The following TOGARAM2 variants were observed in gnomAD, a reference collection of about 807,000 sequenced individuals.
TOGARAM2 encodes TOG array regulator of axonemal microtubules 2, also known as TOG array regulator of axonemal microtubules protein 2.
In TOGARAM2, 85 loss-of-function variants were observed where a neutral mutation model predicts 93.3. The ratio of observed to expected loss-of-function variants is 0.91; its 90% CI spans 0.76 to 1.09. TOGARAM2 has a LOEUF of 1.09. Among genes scored for constraint, TOGARAM2 ranks in the 50% least tolerant of loss-of-function variants. TOGARAM2 has a pLI of 0.00. For missense variants in TOGARAM2, 1,277 were observed against 1,334.5 expected, an observed-to-expected ratio of 0.96 and a Z score of 0.67; for synonymous variants, 593 against 552.8, an observed-to-expected ratio of 1.07 and a Z score of -1.02.
chr2:29,047,696 CCT>C (rs779785382), intron 19 of TOGARAM2: 6 of 152,236 alleles, frequency 3.9e-5, no homozygotes, highest in Non-Finnish European at 7.3e-5. Context: ...TCTGAAGTAG[CCT>C]GAGTTCTATT....
chr2:28,990,383 G>A (rs1273261104), intron 1 of TOGARAM2, among the ~76,000 whole-genome samples: 1 of 152,104 alleles, frequency 6.6e-6, no homozygotes, highest in Non-Finnish European at 1.5e-5. Context: ...TCCTCTCCTT[G>A]CACAGTCTTC....
intron 18 of TOGARAM2, among the ~76,000 whole-genome samples, chr2:29,043,824 T>A (rs1039917457): frequency 2.6e-5 from 4 of 152,176 alleles, no homozygotes; most frequent in African/African-American, 9.7e-5. Flanking sequence ...TCTCACGTTG[T>A]GTGTCTTTGT....
chr2:29,022,029 A>AC (rs950422610), intron 10 of TOGARAM2, 129 bp from the exon 11 acceptor site: 1 of 1,249,424 alleles, frequency 8.0e-7, no homozygotes, highest in Non-Finnish European at 1.1e-6. Flanking sequence ...TTCCACTTGT[A>AC]CACCCTCCCT....
chr2:28,962,268 C>T (rs1346479751), intron 1 of TOGARAM2, among the ~76,000 whole-genome samples: 11 of 151,636 alleles, frequency 7.3e-5, no homozygotes, highest in African/African-American at 1.7e-4. Flanking sequence ...CTCCATCTCC[C>T]GGGTTCAAGC....
chr2:29,021,671 C>A (rs1283519298), intron 10 of TOGARAM2, among the ~76,000 whole-genome samples: 5 of 152,198 alleles, frequency 3.3e-5, no homozygotes, highest in Non-Finnish European at 7.3e-5. Flanking sequence ...CTCTTCCCTG[C>A]TTGTGGGCAA....
chr2:29,045,699 A>G, intron 19 of TOGARAM2: 1 of 411,068 alleles, frequency 2.4e-6, no homozygotes, highest in South Asian at 2.5e-5. Flanking sequence ...CCAAAACCTG[A>G]AACTTTTTGA....
chr2:29,025,150 T>C (rs1002888058), intron 13 of TOGARAM2, among the ~76,000 whole-genome samples: 17 of 152,262 alleles, frequency 1.1e-4, no homozygotes, highest in African/African-American at 4.1e-4. Context: ...CATAGCATAC[T>C]GCAAAGGGTG....
chr2:28,976,239 C>G (rs950092310), intron 1 of TOGARAM2, among the ~76,000 whole-genome samples: 3 of 152,050 alleles, frequency 2.0e-5, no homozygotes, highest in Non-Finnish European at 2.9e-5. Flanking sequence ...GACGTGGTGG[C>G]GGGTGCCTGT....
intron 10 of TOGARAM2, among the ~76,000 whole-genome samples, chr2:29,020,175 A>G (rs540173376): frequency 1.2e-4 from 19 of 152,306 alleles, no homozygotes; most frequent in African/African-American, 4.3e-4. Context: ...CGGTGGGAAG[A>G]GCAGTTTTGG....
intron 15 of TOGARAM2, among the ~76,000 whole-genome samples, 191 bp from the exon 16 acceptor site, chr2:29,033,278 C>T (rs886097392): frequency 3.9e-5 from 6 of 152,202 alleles, no homozygotes; most frequent in Non-Finnish European, 7.3e-5. Context: ...GGCCTCCATG[C>T]CTTCATCTGT....
At chr2:28,987,343 G>T (rs1558403541) in intron 1 of TOGARAM2, among the ~76,000 whole-genome samples, 1 of 152,138 alleles carries the variant, frequency 6.6e-6, no homozygotes, top group Admixed American at 6.5e-5. Flanking sequence ...AGGCTGGAGT[G>T]CAGTGGCATG....
intron 10 of TOGARAM2, among the ~76,000 whole-genome samples, chr2:29,019,048 C>A (rs1664766535): frequency 1.3e-5 from 2 of 151,886 alleles, no homozygotes; most frequent in East Asian, 1.9e-4. Context: ...ATTTGAAATT[C>A]TTTTGTGATT....
chr2:28,978,755 G>T (rs568237860), upstream of TOGARAM2, among the ~76,000 whole-genome samples: 1 of 152,036 alleles, frequency 6.6e-6, no homozygotes. Flanking sequence ...TTTGTTCATC[G>T]GTTCTGGGGG....
In TOGARAM2 at chr2:29,002,517, C is replaced by T. The variant is rs780357783; in HGVS notation, c.428-19C>T. 3 of 1,604,412 alleles carry T rather than the reference C, an allele frequency of 1.9e-6. No individual in the cohort carries two copies. Among genetic ancestry groups the T allele is most frequent in the Non-Finnish European group, 2.6e-6 (3 of 1,173,976 alleles). On this transcript the variant is annotated intron_variant, in intron 4 of 19. Coordinates refer to ENST00000379558, the MANE Select transcript of TOGARAM2 (RefSeq NM_199280.4). Reference sequence around the variant, plus strand: ...GTTCTTCTGGGACTAACTGATTTCCCATCCCCATCCCTGTACAGCCTCTCT... The same window carrying T: ...GTTCTTCTGGGACTAACTGATTTCCTATCCCCATCCCTGTACAGCCTCTCT...
At chr2:28,994,243 C>T (rs1338942803) in intron 1 of TOGARAM2, among the ~76,000 whole-genome samples, 2 of 152,098 alleles carry the variant, frequency 1.3e-5, no homozygotes, top group African/African-American at 2.4e-5. Flanking sequence ...CCAAGGACGT[C>T]ATGGAGGTCA....
intron 18 of TOGARAM2, among the ~76,000 whole-genome samples, chr2:29,044,468 T>G (rs2148395217): frequency 1.3e-5 from 2 of 152,270 alleles, no homozygotes; most frequent in Middle Eastern, 6.8e-3. Flanking sequence ...GCTTCTGCTC[T>G]GGATAGGATG....
chr2:29,008,438 A>G (rs1324457222), intron 6 of TOGARAM2, among the ~76,000 whole-genome samples: 1 of 146,978 alleles, frequency 6.8e-6, no homozygotes, highest in South Asian at 2.2e-4. Context: ...GGCGTGAGCC[A>G]CTGCACCCAG....
chr2:29,004,954 A>ATG (rs1162247011), intron 6 of TOGARAM2, among the ~76,000 whole-genome samples: 13 of 118,180 alleles, frequency 1.1e-4, no homozygotes, highest in East Asian at 5.8e-4. Context: ...ATGTGTGTGC[A>ATG]TGTGTATGTG....
At chr2:28,999,500 A>G in intron 4 of TOGARAM2, 32 bp downstream of exon 4, 2 of 1,538,482 alleles carry the variant, frequency 1.3e-6, no homozygotes, top group Non-Finnish European at 1.7e-6. Flanking sequence ...CCCCTCACCC[A>G]CCCACTTCCA....
Sources: gnomAD v4.1 joint callset for allele counts (sites outside exome capture counted in the v4.1 genomes callset) on GRCh38, gnomAD v4.1.1 for gene constraint, MANE v1.5 for transcripts, NCBI Gene and HGNC (gene_info 2026-07-23, HGNC 2026-07-21) for gene names.